PCNX3: variants seen among roughly 807,000 people sequenced by gnomAD.
The protein encoded by PCNX3 is pecanex-like protein 3.
In PCNX3, 58 loss-of-function variants were observed where a neutral mutation model predicts 207.2. The observed-to-expected ratio is 0.28, with a 90% CI of 0.23 to 0.35. The LOEUF (loss-of-function observed/expected upper bound fraction) is 0.35, where lower values mean the gene tolerates loss of function less well. Among genes scored for constraint, PCNX3 ranks in the 10% least tolerant of loss-of-function variants. The pLI is 1.00. For missense variants in PCNX3, 2,410 were observed against 2,774.4 expected, an observed-to-expected ratio of 0.87 and a Z score of 2.95; for synonymous variants, 1,337 against 1,183.5, an observed-to-expected ratio of 1.13 and a Z score of -2.66.
Position 65,636,528 on chromosome 11 carries a change from A to T in PCNX3, c.5731A>T (p.Ile1911Phe). 2 of 1,588,018 alleles carry T rather than the reference A, an allele frequency of 1.3e-6. No homozygotes were observed. The highest frequency in any genetic ancestry group is 1.1e-5 in the South Asian group (1 of 88,962). ...CCCTGGACCACCCCCTGCATCGCCT[A>T]TCCCCACAGAGGGTCCCCGGACCTC... ...RLPGPPPASP[I>F]PTEGPRTSRP... Residue 1911 changes from isoleucine (I) to phenylalanine (F), a missense_variant, in exon 34 of 35, where the codon ATC (isoleucine) becomes TTC (phenylalanine). By Grantham distance (21) the Ile-to-Phe change is conservative. Around this residue, in one of 8 missense-constraint regions of PCNX3, gnomAD observed 278 missense variants for 245.1 expected, o/e 1.13. Transcript: ENST00000355703.
At chr11:65,617,540 A>G in intron 4 of PCNX3, 31 bp downstream of exon 4, 2 of 1,613,864 alleles carry the variant, frequency 1.2e-6, no homozygotes, top group East Asian at 4.5e-5. Context: ...GTTGGAGCAT[A>G]GTGCTGTGGA....
Position 65,634,248 on chromosome 11 carries a change from G to A in PCNX3, c.4593G>A (p.Ser1531=), listed in dbSNP as rs1855733813. 1 of 1,613,010 alleles carries A rather than the reference G, an allele frequency of 6.2e-7. No individual in the cohort carries two copies. The highest frequency in any genetic ancestry group is 8.5e-7 in the Non-Finnish European group (1 of 1,179,684). Residue 1531 remains serine (S), a synonymous_variant, in exon 28 of 35, where the codon TCG becomes TCA. Coordinates refer to ENST00000355703, the MANE Select transcript of PCNX3 (RefSeq NM_032223.4). ...ATGCCGACTCGGATCCCACCTTCTC[G>A]CTGAGTGTGGATGAGGACTATGACC... ...PGYADSDPTF[S]LSVDEDYDLR... is the part of the protein sequence containing the mutation.
In PCNX3 at chr11:65,619,131, G is replaced by C. The variant is rs558863641; in HGVS notation, c.1705+64G>C. On this transcript the variant is annotated intron_variant, in intron 6 of 34. Coordinates refer to ENST00000355703, the MANE Select transcript of PCNX3 (RefSeq NM_032223.4). ...AGCTACGGGCTTGGGGTTGGGCAAAGGGCAGGTAAGAATGGACCTGGTCAG... is the reference window on the plus strand; with the variant it reads ...AGCTACGGGCTTGGGGTTGGGCAAACGGCAGGTAAGAATGGACCTGGTCAG... 208 of 1,347,200 alleles carry C rather than the reference G, an allele frequency of 1.5e-4. 2 individuals carry two copies. In the South Asian group the frequency reaches 2.6e-3, roughly 17 times the overall value. 83.5% of individuals were successfully genotyped at this position (1,347,200 alleles called of 1,614,324 possible).
rs201051287 is a variant in PCNX3 at position 65,623,602 on chromosome 11, G to T, written c.2469G>T (p.Gln823His). 1.9e-6 allele frequency: 3 copies of T among 1,613,996 alleles called. No homozygotes were observed. Among genetic ancestry groups the T allele is most frequent in the Non-Finnish European group, 1.7e-6 (2 of 1,179,870 alleles). Residue 823 changes from glutamine (Q) to histidine (H), a missense_variant, in exon 12 of 35, where the codon CAG becomes CAT. Transcript: ENST00000355703. ...TCTTCACTGACATCTGGGTCTTCCA[G>T]TTCTGCCTGGTCATCGCCTCCTGCC... ...KGFFTDIWVF[Q>H]FCLVIASCQY...
In PCNX3 at chr11:65,630,466, C is replaced by T. The variant is rs775852284; in HGVS notation, c.4332C>T (p.Ala1444=). The T allele has an allele frequency of 6.8e-6, 11 of 1,613,696 alleles. No individual in the cohort carries two copies. The highest frequency in any genetic ancestry group is 1.7e-4 in the Middle Eastern group (1 of 6,060). Reference sequence around the variant, plus strand: ...CACGGGTCCTGTCCTTCAATGCTGCCTTTGGGCAGCGCTGGCTGGCTTGGG... The same window carrying T: ...CACGGGTCCTGTCCTTCAATGCTGCTTTTGGGCAGCGCTGGCTGGCTTGGG... ...HLPRVLSFNA[A]FGQRWLAWEV... The change falls in exon 27 of 35, where the codon GCC becomes GCT. Residue 1444 remains alanine (A), a synonymous_variant. Transcript: ENST00000355703.
chr11:65,622,166 G>T, intron 10 of PCNX3, 79 bp from the exon 11 acceptor site: 1 of 1,506,298 alleles, frequency 6.6e-7, no homozygotes, highest in South Asian at 1.3e-5. Context: ...GACCATGTGG[G>T]GGGTGGCGGG....
rs771442977 is a variant in PCNX3, at chr11:65,636,944, C to T, written c.6071C>T (p.Pro2024Leu). 24 of 1,567,242 alleles carry T rather than the reference C, an allele frequency of 1.5e-5. No homozygotes were observed. The highest frequency in any genetic ancestry group is 5.6e-5 in the Admixed American group (3 of 53,222). ...GCCCCTATTGAGGAGCGTGAGAGCC[C>T]GGCAGCCCAGCCCCTGCTGGAACAC... is the stretch of plus-strand genomic sequence containing the variant. ...WPAPIEERES[P>L]AAQPLLEHQY Residue 2024 changes from proline to leucine, a missense_variant, in exon 35 of 35, where the codon CCG becomes CTG. Physicochemically the swap from Pro to Leu is moderately conservative, Grantham distance 98. Coordinates refer to ENST00000355703, the MANE Select transcript of PCNX3 (RefSeq NM_032223.4).
Position 65,630,345 on chromosome 11 carries a change from C to A in PCNX3, c.4217-6C>A. The A allele has an allele frequency of 6.2e-7, 1 of 1,612,690 alleles. No homozygotes were observed. Among genetic ancestry groups the A allele is most frequent in the Non-Finnish European group, 8.5e-7 (1 of 1,179,714 alleles). On this transcript the variant is annotated splice_region_variant and splice_polypyrimidine_tract_variant and intron_variant, in intron 26 of 34. Coordinates refer to ENST00000355703, the MANE Select transcript of PCNX3 (RefSeq NM_032223.4). Reference sequence around the variant, plus strand: ...CAGCCCCTGACTGCACACCCCTCCTCCACAGGCACTTACTGCCAGCAGCGC... The same window carrying A: ...CAGCCCCTGACTGCACACCCCTCCTACACAGGCACTTACTGCCAGCAGCGC...
At chr11:65,636,024 T>A in intron 32 of PCNX3, 150 bp from the exon 33 acceptor site, 1 of 1,304,780 alleles carries the variant, frequency 7.7e-7, no homozygotes, top group Non-Finnish European at 1.1e-6. Flanking sequence ...CTCAAAAGAC[T>A]CTGCAAAGTA....
chr11:65,627,271 CA>C, intron 21 of PCNX3, 133 bp from the exon 22 acceptor site: 1 of 1,199,048 alleles, frequency 8.3e-7, no homozygotes, highest in Non-Finnish European at 1.1e-6. Context: ...GTCACGGGCC[CA>C]AAAGAGCAGG....
rs1855549679 is a variant in PCNX3 at position 65,629,848 on chromosome 11, G to C, written c.4216+113G>C. On this transcript the variant is annotated intron_variant, in intron 26 of 34. Transcript: ENST00000355703. ...AGTCCAGCTCTGTCCAGGCTGGCGGGTGGCCTTGGGCAAGGCACTCCTCCT... is the reference window on the plus strand; with the variant it reads ...AGTCCAGCTCTGTCCAGGCTGGCGGCTGGCCTTGGGCAAGGCACTCCTCCT... 4 of 1,217,640 alleles carry C rather than the reference G, an allele frequency of 3.3e-6. No homozygotes were observed. In the East Asian group the frequency reaches 1.0e-4, roughly 31 times the overall value. The allele number at this position is 1,217,640 out of a possible 1,614,324, so 75.4% of individuals were successfully genotyped here.
intron 27 of PCNX3, among the ~76,000 whole-genome samples, chr11:65,632,743 TC>T (rs1565170650): frequency 6.7e-6 from 1 of 150,056 alleles, no homozygotes; most frequent in African/African-American, 2.5e-5. Context: ...CTGAAGCTTT[TC>T]TTTTTTTTAT....
chr11:65,619,058 G>C lies in PCNX3; in HGVS notation c.1696G>C (p.Val566Leu). The part of the protein sequence containing the change: ...WRGELQEEGA[V>L]GGAAEETGRR... ...GGGGGAGCTGCAGGAGGAAGGTGCT[G>C]TGGGGGGAGGTGAGTGCTTGCTCTA... Residue 566 changes from valine (V) to leucine (L), a missense_variant, in exon 6 of 35, where the codon GTG becomes CTG. This residue lies in a region of PCNX3 where 1,104 missense variants were observed against 970.3 expected (regional missense o/e 1.14). Transcript: ENST00000355703. The C allele has an allele frequency of 6.3e-7, 1 of 1,588,772 alleles. No homozygotes were observed. The highest frequency in any genetic ancestry group is 1.7e-5 in the Admixed American group (1 of 59,062).
chr11:65,625,461 C>G lies in PCNX3; in HGVS notation c.3086C>G (p.Ala1029Gly), dbSNP rs371016727. The change falls in exon 18 of 35, where the codon GCC becomes GGC. Residue 1029 changes from alanine (A) to glycine (G), a missense_variant. By Grantham distance (60) the Ala-to-Gly change is moderately conservative. Coordinates refer to ENST00000355703, the MANE Select transcript of PCNX3 (RefSeq NM_032223.4). The surrounding 1 kb of genome is among the most constrained non-coding windows in gnomAD (Gnocchi z 5.6). ...CTGGAGGAGCGCAGCTTGGAGACAG[C>G]CCGGGCCGAGCCCCCGGACCCCTTG... is the stretch of plus-strand genomic sequence containing the variant. ...PELEERSLET[A>G]RAEPPDPLPD... is the part of the protein sequence containing the mutation. The G allele has an allele frequency of 6.2e-7, 1 of 1,605,718 alleles. No homozygotes were observed. Among genetic ancestry groups the G allele is most frequent in the Non-Finnish European group, 8.5e-7 (1 of 1,179,270 alleles).
chr11:65,623,526 G>T lies in PCNX3; in HGVS notation c.2393G>T (p.Gly798Val), dbSNP rs781741314. The change falls in exon 12 of 35, where the codon GGC becomes GTC. Residue 798 changes from glycine to valine, a missense_variant. Transcript: ENST00000355703. ...RGVLENIFGVGLSSLVAFLGY... is the reference protein window; with the variant it reads ...RGVLENIFGVVLSSLVAFLGY... Reference sequence around the variant, plus strand: ...GTGCTGGAGAACATCTTCGGCGTGGGCCTGAGCAGCCTTGTGGCCTTCCTG... The same window carrying T: ...GTGCTGGAGAACATCTTCGGCGTGGTCCTGAGCAGCCTTGTGGCCTTCCTG... 1.9e-6 allele frequency: 3 copies of T among 1,613,442 alleles called. No individual in the cohort carries two copies. Among genetic ancestry groups the T allele is most frequent in the Middle Eastern group, 1.6e-4 (1 of 6,066 alleles).
chr11:65,622,473 G>T (rs868213667), intron 11 of PCNX3, 107 bp downstream of exon 11: 4 of 1,358,360 alleles, frequency 2.9e-6, no homozygotes, highest in Non-Finnish European at 3.9e-6. Context: ...AGCCTGACTC[G>T]GGGGAAGCTG....
intron 27 of PCNX3, among the ~76,000 whole-genome samples, chr11:65,633,906 G>GT (rs1855718172): frequency 6.6e-6 from 1 of 152,366 alleles, no homozygotes; most frequent in South Asian, 2.1e-4. Context: ...TTCCTGCTCT[G>GT]TAAGTGGGTG....
rs767351483 is a variant in PCNX3 at position 65,630,499 on chromosome 11, A to G, written c.4365A>G (p.Thr1455=). 4.3e-6 allele frequency: 7 copies of G among 1,613,562 alleles called. No individual in the cohort carries two copies. Among genetic ancestry groups the G allele is most frequent in the Non-Finnish European group, 5.9e-6 (7 of 1,179,880 alleles). ...AGCGCTGGCTGGCTTGGGAGGTAAC[A>G]GCCAGCAAGTACGTGCTGGAGGGCT... The part of the protein sequence containing the change: ...FGQRWLAWEV[T]ASKYVLEGYS... Residue 1455 remains threonine (T), a synonymous_variant, in exon 27 of 35, where the codon ACA becomes ACG. Coordinates refer to ENST00000355703, the MANE Select transcript of PCNX3 (RefSeq NM_032223.4).
At position 65,618,402 on chromosome 11, in the gene PCNX3, C is replaced by T. The variant is rs767942226; in HGVS notation, c.1040C>T (p.Ala347Val). The change falls in exon 6 of 35, where the codon GCC becomes GTC. Residue 347 changes from alanine to valine, a missense_variant. By Grantham distance (64) the Ala-to-Val change is moderately conservative. Around this residue, in one of 8 missense-constraint regions of PCNX3, gnomAD observed 1,104 missense variants for 970.3 expected, o/e 1.14. Coordinates refer to ENST00000355703, the MANE Select transcript of PCNX3 (RefSeq NM_032223.4). ...TDPPSEAELP[A>V]SPDAGVPSDD... ...CCACCCTCTGAGGCTGAGCTGCCTG[C>T]CTCACCAGACGCCGGGGTCCCCTCA... 16 of 1,612,618 alleles carry T rather than the reference C, an allele frequency of 9.9e-6. No homozygotes were observed. The highest frequency in any genetic ancestry group is 5.0e-5 in the Admixed American group (3 of 59,982).
Sources: allele counts gnomAD v4.1 joint callset (sites outside exome capture counted in the v4.1 genomes callset), GRCh38; gene constraint gnomAD v4.1.1; regional missense constraint gnomAD v4.1.1; non-coding constraint Gnocchi (gnomAD v3.1); transcripts MANE v1.5; gene names NCBI Gene and HGNC (gene_info 2026-07-23, HGNC 2026-07-21).